The following PCDHA7 variants were observed in gnomAD, a reference collection of about 807,000 sequenced individuals.
PCDHA7 encodes protocadherin alpha 7.
A neutral mutation model predicts 57.2 loss-of-function variants in PCDHA7; 37 were observed. The observed-to-expected ratio is 0.65, with a 90% CI of 0.50 to 0.85. PCDHA7 has a LOEUF of 0.85. PCDHA7 is among the 40% of genes least tolerant of loss of function. The probability of loss-of-function intolerance (pLI) is 0.00; values close to 1 mark genes in which losing one functional copy is unlikely to be tolerated. For synonymous variants in PCDHA7, 553 were observed against 558.8 expected (o/e 0.99, Z 0.15); for missense variants, 1,188 against 1,241.8 (o/e 0.96, Z 0.65).
At chr5:140,903,979 C>T (rs988987540) in intron 1 of PCDHA7, among the ~76,000 whole-genome samples, 3 of 152,150 alleles carry the variant, frequency 2.0e-5, no homozygotes, top group Admixed American at 2.0e-4. Flanking sequence ...GGTCTATTCA[C>T]AATGTAACAG....
At chr5:140,854,518 G>A (rs1446011923) in intron 1 of PCDHA7, 1 of 149,946 alleles carries the variant, frequency 6.7e-6, no homozygotes, top group Non-Finnish European at 1.5e-5. Flanking sequence ...GATGGATTAA[G>A]TGACACCCAT....
At chr5:140,915,690 T>G (rs1330039439) in intron 1 of PCDHA7, among the ~76,000 whole-genome samples, 1 of 151,558 alleles carries the variant, frequency 6.6e-6, no homozygotes, top group African/African-American at 2.4e-5. Context: ...AGGGGTATGG[T>G]GATGCAAGCA....
intron 1 of PCDHA7, chr5:140,868,884 T>G (rs2050712940): frequency 1.4e-6 from 1 of 728,466 alleles, no homozygotes; most frequent in South Asian, 2.1e-5. Context: ...ACTCACAGTT[T>G]TAGGCGCAAG....
At chr5:140,897,339 C>G (rs1373496877) in intron 1 of PCDHA7, among the ~76,000 whole-genome samples, 14 of 121,352 alleles carry the variant, frequency 1.2e-4, no homozygotes, top group African/African-American at 4.4e-4. Context: ...CCCCCTCCCC[C>G]CACCCCACAA....
intron 1 of PCDHA7, chr5:140,858,899 C>G (rs1236968449): frequency 4.9e-6 from 1 of 203,942 alleles, no homozygotes; most frequent in South Asian, 8.1e-5. Context: ...ATATGTGTAG[C>G]GTACCACAGC....
intron 2 of PCDHA7, among the ~76,000 whole-genome samples, chr5:140,981,879 A>G (rs1472110145): frequency 3.9e-5 from 6 of 152,158 alleles, no homozygotes; most frequent in Non-Finnish European, 7.3e-5. Context: ...TGCTGAATTA[A>G]TCTCTTCTGA....
At chr5:140,911,037 C>A (rs1432446373) in intron 1 of PCDHA7, among the ~76,000 whole-genome samples, 3 of 152,012 alleles carry the variant, frequency 2.0e-5, no homozygotes, top group Non-Finnish European at 4.4e-5. Context: ...GGTCTAGAAG[C>A]AAACAGGGGT....
intron 1 of PCDHA7, chr5:140,848,468 C>A: frequency 6.5e-7 from 1 of 1,547,824 alleles, no homozygotes; most frequent in African/African-American, 1.4e-5. Context: ...GCAATTTTCA[C>A]TAATTAGAAG....
chr5:140,929,496 G>T, intron 1 of PCDHA7: 14 of 989,736 alleles, frequency 1.4e-5, no homozygotes, highest in Non-Finnish European at 1.8e-5. Context: ...TTAGAAGATT[G>T]CCCTAGGCCT....
At chr5:140,892,550 A>G (rs1337911954) in intron 1 of PCDHA7, among the ~76,000 whole-genome samples, 1 of 152,202 alleles carries the variant, frequency 6.6e-6, no homozygotes, top group East Asian at 1.9e-4. Context: ...TTGTTTCTCT[A>G]GTCCTTGGAG....
At chr5:140,914,297 G>A (rs1371976850) in intron 1 of PCDHA7, among the ~76,000 whole-genome samples, 2 of 152,056 alleles carry the variant, frequency 1.3e-5, no homozygotes, top group African/African-American at 4.8e-5. Flanking sequence ...ATATCCTCTT[G>A]CTGAATTGAC....
rs2150215817 is a variant in PCDHA7, at chr5:140,834,367, C to T, written c.-17C>T. On this transcript the variant is annotated 5_prime_UTR_variant, in exon 1 of 4. Transcript: ENST00000525929. ...AGGCAAGTTTTGCTGACTAGAAAAA[C>T]AAGCCAATAATTTGAAATGGTGTGC... 2 of 1,554,312 alleles carry T rather than the reference C, an allele frequency of 1.3e-6. No homozygotes were observed. Among genetic ancestry groups the T allele is most frequent in the Admixed American group, 2.0e-5 (1 of 50,044 alleles).
chr5:140,962,554 C>T lies in PCDHA7; in HGVS notation c.2356-16395C>T, dbSNP rs567554880. ...TTAGAACTAAAAATGTAGAGGATCTCCCCCTAAAAGCCAATTGTTAATGCC... is the reference window on the plus strand; with the variant it reads ...TTAGAACTAAAAATGTAGAGGATCTTCCCCTAAAAGCCAATTGTTAATGCC... On this transcript the variant is annotated intron_variant, in intron 1 of 3. Transcript: ENST00000525929. 3.9e-5 allele frequency among the ~76,000 whole-genome samples: 6 copies of T among 152,284 alleles called. No individual in the cohort carries two copies. The South Asian group carries it at 1.2e-3, about 32-fold the overall frequency.
intron 1 of PCDHA7, chr5:140,875,319 A>T: frequency 7.0e-7 from 1 of 1,428,968 alleles, no homozygotes; most frequent in South Asian, 1.6e-5. Context: ...CATTCCAATC[A>T]TTCACGGAAT....
In PCDHA7 at chr5:140,834,917, C is replaced by A; in HGVS notation, c.534C>A (p.Phe178Leu). The A allele has an allele frequency of 1.3e-6, 2 of 1,590,474 alleles. No individual in the cohort carries two copies. Among genetic ancestry groups the A allele is most frequent in the Non-Finnish European group, 1.7e-6 (2 of 1,167,678 alleles). ...LTYRLSPNEY[F>L]FLDVPTSNQQ... ...ACAGACTGAGCCCCAATGAGTATTT[C>A]TTCCTGGACGTGCCAACCAGCAACC... Residue 178 changes from phenylalanine to leucine, a missense_variant, in exon 1 of 4, where the codon TTC becomes TTA. Physicochemically the swap from Phe to Leu is conservative, Grantham distance 22. This residue lies in a region of PCDHA7 where 102 missense variants were observed against 267.4 expected (regional missense o/e 0.38). Coordinates refer to ENST00000525929, the MANE Select transcript of PCDHA7 (RefSeq NM_018910.3).
chr5:140,871,413 C>T (rs2053063966), intron 1 of PCDHA7: 5 of 1,613,884 alleles, frequency 3.1e-6, no homozygotes, highest in Admixed American at 1.7e-5. Context: ...ACCTCATGGC[C>T]TTCAGCCCCA....
chr5:140,938,753 T>G (rs1381426227), intron 1 of PCDHA7, among the ~76,000 whole-genome samples: 3 of 152,170 alleles, frequency 2.0e-5, no homozygotes, highest in Admixed American at 1.3e-4. Flanking sequence ...TTTAAAGGCA[T>G]AGTTATTGGG....
intron 1 of PCDHA7, chr5:140,869,664 G>T: frequency 6.2e-7 from 1 of 1,613,474 alleles, no homozygotes; most frequent in Non-Finnish European, 8.5e-7. Flanking sequence ...CAAATGGTAA[G>T]CAGATTAAAA....
rs2098415057 is a variant in PCDHA7, at chr5:141,009,865, A to G, written c.2742A>G (p.Lys914=). ...AGGAGGAGACCAAGAAAAAGAAGAAAAAGAAGAAGGGTAACAAGACCCAGG... is the reference window on the plus strand; with the variant it reads ...AGGAGGAGACCAAGAAAAAGAAGAAGAAGAAGAAGGGTAACAAGACCCAGG... ...GKKEETKKKK[K]KKKGNKTQEK... The change falls in exon 4 of 4, where the codon AAA becomes AAG. Residue 914 remains lysine, a synonymous_variant. Transcript: ENST00000525929. The G allele has an allele frequency of 6.2e-7, 1 of 1,614,076 alleles. No homozygotes were observed.
Sources: allele counts gnomAD v4.1 joint callset (sites outside exome capture counted in the v4.1 genomes callset), GRCh38; gene constraint gnomAD v4.1.1; regional missense constraint gnomAD v4.1.1; transcripts MANE v1.5; gene names NCBI Gene and HGNC (gene_info 2026-07-23, HGNC 2026-07-21).